PLCL2: variants seen among roughly 807,000 people sequenced by gnomAD.
PLCL2 encodes the protein phospholipase C like 2.
PLCL2 carries 4 observed loss-of-function variants against 79.6 expected under a neutral mutation model. That is an observed-to-expected ratio of 0.05 (90% confidence interval 0.02 to 0.11). PLCL2 has a LOEUF of 0.11. Ranked by LOEUF, PLCL2 falls within the 10% of genes least tolerant of loss-of-function variation. The pLI, the probability that PLCL2 is intolerant of heterozygous loss-of-function variation, is 1.00. For synonymous variants in PLCL2, 484 were observed against 457.7 expected, an observed-to-expected ratio of 1.06 and a Z score of -0.73; for missense variants, 895 against 1,291.0, an observed-to-expected ratio of 0.69 and a Z score of 4.70.
intron 1 of PLCL2, among the ~76,000 whole-genome samples, chr3:16,972,784 G>T (rs1008333124): frequency 6.6e-6 from 1 of 151,976 alleles, no homozygotes; most frequent in Non-Finnish European, 1.5e-5. Flanking sequence ...AATCTGTTTT[G>T]TCTGAAATTA....
In PLCL2 at chr3:16,945,762, C is replaced by A. The variant is rs140813522; in HGVS notation, c.327+60396C>A. On this transcript the variant is annotated intron_variant, in intron 1 of 5. Coordinates refer to ENST00000615277, the MANE Select transcript of PLCL2 (RefSeq NM_001144382.2). ...ATCGGTCATATAGCCACTCTGTTTC[C>A]ATTTCTTTCCCACACACAGCAAATT... Among the ~76,000 whole-genome samples, 10 of 152,230 alleles carry A rather than the reference C, an allele frequency of 6.6e-5. No individual in the cohort carries two copies. The East Asian group carries it at 1.9e-3, about 29-fold the overall frequency.
At chr3:17,014,513 T>G (rs532438170) in intron 2 of PLCL2, among the ~76,000 whole-genome samples, 195 bp from the exon 3 acceptor site, 3 of 152,340 alleles carry the variant, frequency 2.0e-5, no homozygotes, top group Admixed American at 2.0e-4. Context: ...GTGTTACAAA[T>G]GTCCATAACA....
chr3:17,028,754 A>T (rs1384472606), intron 3 of PLCL2, among the ~76,000 whole-genome samples: 1 of 151,958 alleles, frequency 6.6e-6, no homozygotes, highest in Non-Finnish European at 1.5e-5. Flanking sequence ...AAGTGCTGGG[A>T]ATTCCTTTTT....
chr3:16,984,284 T>C (rs2064027386), intron 1 of PLCL2, among the ~76,000 whole-genome samples: 1 of 152,186 alleles, frequency 6.6e-6, no homozygotes. Flanking sequence ...TAAGAATAAC[T>C]TGCCACTAGC....
chr3:17,078,663 T>C (rs930315498), intron 5 of PLCL2, among the ~76,000 whole-genome samples: 2 of 152,172 alleles, frequency 1.3e-5, no homozygotes, highest in African/African-American at 4.8e-5. Context: ...CATAAATCAA[T>C]AAACCAGATG....
chr3:16,978,307 A>C (rs1375769007), intron 1 of PLCL2, among the ~76,000 whole-genome samples: 1 of 152,262 alleles, frequency 6.6e-6, no homozygotes, highest in Non-Finnish European at 1.5e-5. Context: ...GGCAAGACAG[A>C]TTAAAAGATA....
chr3:17,079,004 A>G (rs886690141), intron 5 of PLCL2, among the ~76,000 whole-genome samples: 1 of 152,214 alleles, frequency 6.6e-6, no homozygotes, highest in Non-Finnish European at 1.5e-5. Context: ...CATTTGAAAT[A>G]CAGTAAAACC....
At chr3:16,971,000 C>T (rs1239685232) in intron 1 of PLCL2, among the ~76,000 whole-genome samples, 1 of 152,110 alleles carries the variant, frequency 6.6e-6, no homozygotes, top group African/African-American at 2.4e-5. Flanking sequence ...AATTTTCTCC[C>T]ATTCTGTAGG....
chr3:16,972,525 G>T (rs981326884), intron 1 of PLCL2, among the ~76,000 whole-genome samples: 9 of 152,122 alleles, frequency 5.9e-5, no homozygotes, highest in Non-Finnish European at 8.8e-5. Flanking sequence ...TTAAGTTCAA[G>T]TTCCGAATAT....
At chr3:16,992,663 G>A (rs1242978292) in intron 1 of PLCL2, among the ~76,000 whole-genome samples, 1 of 152,160 alleles carries the variant, frequency 6.6e-6, no homozygotes, top group Non-Finnish European at 1.5e-5. Context: ...CGAAGCAGGT[G>A]GCCACATTGT....
rs145864978 is a variant in PLCL2 at position 16,989,622 on chromosome 3, A to G, written c.328-20052A>G. Among the ~76,000 whole-genome samples, 17 of 151,738 alleles carry G rather than the reference A, an allele frequency of 1.1e-4. No homozygotes were observed. In the East Asian group the frequency reaches 1.9e-3, roughly 17 times the overall value. ...TAATGTGACTAGTAGAAAATTTTCAATTACATATGTGGCGCTCATACATTT... is the reference window on the plus strand; with the variant it reads ...TAATGTGACTAGTAGAAAATTTTCAGTTACATATGTGGCGCTCATACATTT... On this transcript the variant is annotated intron_variant, in intron 1 of 5. Transcript: ENST00000615277.
intron 3 of PLCL2, among the ~76,000 whole-genome samples, chr3:17,026,542 C>A (rs992333633): frequency 6.6e-6 from 1 of 152,058 alleles, no homozygotes; most frequent in East Asian, 1.9e-4. Context: ...TGGGGCCATA[C>A]CATCATTTAT....
Position 17,009,658 on chromosome 3 carries a change from C to CT in PLCL2, c.328-9dup, listed in dbSNP as rs781573166. The CT allele has an allele frequency of 4.3e-6, 6 of 1,393,702 alleles. No homozygotes were observed. The highest frequency in any genetic ancestry group is 1.8e-4 in the Middle Eastern group (1 of 5,436). 86.3% of individuals were successfully genotyped at this position (1,393,702 alleles called of 1,614,324 possible). ...TATTTATGTTATTCTAATATACGGT[C>CT]TTTTTTTCCTCTCAGGATGGTACAA... On this transcript the variant is annotated splice_polypyrimidine_tract_variant and intron_variant, in intron 1 of 5. Transcript: ENST00000615277. This position sits in a 1 kb window ranked among gnomAD's most constrained non-coding sequence, Gnocchi z 4.0.
chr3:16,928,578 C>G (rs1697313052), intron 1 of PLCL2, among the ~76,000 whole-genome samples: 1 of 152,198 alleles, frequency 6.6e-6, no homozygotes, highest in Admixed American at 6.5e-5. Context: ...AGAGAGGAAG[C>G]TGCAACCTGC....
intron 1 of PLCL2, among the ~76,000 whole-genome samples, chr3:16,941,357 T>C (rs1023428578): frequency 7.2e-5 from 11 of 152,278 alleles, no homozygotes; most frequent in Admixed American, 2.6e-4. Flanking sequence ...AGTTGCCCCA[T>C]AGCCAGAGTG....
Position 16,886,228 on chromosome 3 carries a change from TG to T in PLCL2, c.327+863del, listed in dbSNP as rs1459501695. ...ATGAAGTGCAAAAAAAAATAGTTGA[TG>T]AGCTAAGAAGAGCAGAGCCTTAGGC... On this transcript the variant is annotated intron_variant, in intron 1 of 5. Coordinates refer to ENST00000615277, the MANE Select transcript of PLCL2 (RefSeq NM_001144382.2). The surrounding 1 kb of genome is among the most constrained non-coding windows in gnomAD (Gnocchi z 4.2). Among the ~76,000 whole-genome samples, 9 of 152,352 alleles carry T rather than the reference TG, an allele frequency of 5.9e-5. No homozygotes were observed. Among genetic ancestry groups the T allele is most frequent in the African/African-American group, 2.2e-4 (9 of 41,572 alleles).
chr3:17,052,947 G>C (rs902804404), intron 4 of PLCL2, among the ~76,000 whole-genome samples: 2 of 152,104 alleles, frequency 1.3e-5, no homozygotes, highest in African/African-American at 4.8e-5. Context: ...GTCCAAAGTA[G>C]GCTATTATTA....
chr3:16,933,949 C>G (rs557434565), intron 1 of PLCL2, among the ~76,000 whole-genome samples: 1 of 152,188 alleles, frequency 6.6e-6, no homozygotes, highest in Admixed American at 6.5e-5. Context: ...TGCCTGTAAT[C>G]CCAGCTACTC....
At chr3:16,929,394 G>C (rs1697342893) in intron 1 of PLCL2, among the ~76,000 whole-genome samples, 1 of 152,140 alleles carries the variant, frequency 6.6e-6, no homozygotes, top group East Asian at 1.9e-4. Flanking sequence ...TTCCCAAAAA[G>C]ACTTCTGGGA....
Sources: allele counts gnomAD v4.1 joint callset (sites outside exome capture counted in the v4.1 genomes callset), GRCh38; gene constraint gnomAD v4.1.1; non-coding constraint Gnocchi (gnomAD v3.1); transcripts MANE v1.5; gene names NCBI Gene and HGNC (gene_info 2026-07-23, HGNC 2026-07-21).